The following CFTR variants were observed in gnomAD, a reference collection of about 807,000 sequenced individuals.
The protein encoded by CFTR is CF transmembrane conductance regulator.
In CFTR, 181 loss-of-function variants were observed where a neutral mutation model predicts 171.6. The ratio of observed to expected loss-of-function variants is 1.05; its 90% CI spans 0.93 to 1.19. The LOEUF (loss-of-function observed/expected upper bound fraction) is 1.19, where lower values mean the gene tolerates loss of function less well. Ranked by LOEUF, CFTR falls within the 50% of genes most tolerant of loss-of-function variation. CFTR has a pLI of 0.00. For missense variants in CFTR, 1,968 were observed against 1,734.7 expected (o/e 1.13, Z -2.39); for synonymous variants, 583 against 608.0 (o/e 0.96, Z 0.60).
chr7:117,487,971 G>T (rs1235344995), intron 1 of CFTR: 2 of 152,148 alleles, frequency 1.3e-5, no homozygotes, highest in Non-Finnish European at 2.9e-5. Context: ...GCAAGGTGGA[G>T]AAACTATATA....
At chr7:117,607,427 C>T (rs1371228541) in intron 18 of CFTR, among the ~76,000 whole-genome samples, 1 of 152,048 alleles carries the variant, frequency 6.6e-6, no homozygotes, top group Non-Finnish European at 1.5e-5. Flanking sequence ...TGAAAGTGAC[C>T]TTGGGACATT....
intron 11 of CFTR, among the ~76,000 whole-genome samples, chr7:117,580,009 A>G (rs1197791046): frequency 1.3e-5 from 2 of 151,992 alleles, no homozygotes; most frequent in Non-Finnish European, 2.9e-5. Flanking sequence ...AGTACTTTTC[A>G]ACAAATATAG....
chr7:117,485,110 T>C (rs929570415), intron 1 of CFTR, among the ~76,000 whole-genome samples: 1 of 152,180 alleles, frequency 6.6e-6, no homozygotes, highest in South Asian at 2.1e-4. Context: ...TGTTTAAAGG[T>C]CCTTGAGTGA....
intron 1 of CFTR, 61 bp downstream of exon 1, chr7:117,480,208 G>A: frequency 6.7e-7 from 1 of 1,502,134 alleles, no homozygotes; most frequent in Non-Finnish European, 9.3e-7. Flanking sequence ...GAGGGCGTGT[G>A]TATGGGTTGG....
chr7:117,623,592 A>G (rs1258029504), intron 21 of CFTR, among the ~76,000 whole-genome samples: 3 of 152,204 alleles, frequency 2.0e-5, no homozygotes, highest in South Asian at 2.1e-4. Context: ...AAATAGTTCA[A>G]TAGGTTGTAA....
chr7:117,486,677 G>T (rs1431860815), intron 1 of CFTR, among the ~76,000 whole-genome samples: 2 of 151,944 alleles, frequency 1.3e-5, no homozygotes, highest in Admixed American at 1.3e-4. Flanking sequence ...AGATTTGTGG[G>T]AGATGGGTCT....
intron 1 of CFTR, 62 bp downstream of exon 1, chr7:117,480,209 T>C (rs1218808101): frequency 6.6e-6 from 10 of 1,507,470 alleles, no homozygotes; most frequent in Non-Finnish European, 9.2e-6. Flanking sequence ...AGGGCGTGTG[T>C]ATGGGTTGGG....
intron 14 of CFTR, among the ~76,000 whole-genome samples, chr7:117,594,310 C>G (rs1402463541): frequency 6.6e-6 from 1 of 152,158 alleles, no homozygotes; most frequent in Non-Finnish European, 1.5e-5. Flanking sequence ...AAACAAAACT[C>G]TTTTTCCTTT....
chr7:117,509,260 C>T (rs1798475255), intron 3 of CFTR, 118 bp downstream of exon 3: 1 of 716,832 alleles, frequency 1.4e-6, no homozygotes. Context: ...GAATCCAACT[C>T]CAAACACTAA....
At chr7:117,521,995 G>A (rs1426295354) in intron 3 of CFTR, among the ~76,000 whole-genome samples, 1 of 152,058 alleles carries the variant, frequency 6.6e-6, no homozygotes, top group Non-Finnish European at 1.5e-5. Context: ...TTGAAGCTCT[G>A]GTCTTGAAGA....
intron 18 of CFTR, among the ~76,000 whole-genome samples, chr7:117,610,248 AG>A (rs970557338): frequency 1.5e-5 from 1 of 67,116 alleles, no homozygotes; most frequent in African/African-American, 6.1e-5. Context: ...GGGTGGGGGG[AG>A]GGGGGAGGGA....
In CFTR at chr7:117,642,535, T is replaced by A. The variant is rs752834717; in HGVS notation, c.3815T>A (p.Val1272Glu). ...NTEGEIQIDG[V>E]SWDSITLQQW... Reference sequence around the variant, plus strand: ...GAAGGAGAAATCCAGATCGATGGTGTGTCTTGGGATTCAATAACTTTGCAA... The same window carrying A: ...GAAGGAGAAATCCAGATCGATGGTGAGTCTTGGGATTCAATAACTTTGCAA... The change falls in exon 23 of 27, where the codon GTG becomes GAG. Residue 1272 changes from valine (V) to glutamate (E), a missense_variant. Physicochemically the swap from Val to Glu is moderately radical, Grantham distance 121 (BLOSUM62 -2). Transcript: ENST00000003084. 9 of 1,613,476 alleles carry A rather than the reference T, an allele frequency of 5.6e-6. No individual in the cohort carries two copies. The Admixed American group carries it at 1.3e-4, about 24-fold the overall frequency.
chr7:117,574,279 A>G (rs1476149773), intron 11 of CFTR, among the ~76,000 whole-genome samples: 2 of 152,140 alleles, frequency 1.3e-5, no homozygotes, highest in African/African-American at 2.4e-5. Context: ...GAACAGGTAC[A>G]GACATTAATA....
At chr7:117,664,567 G>A in intron 24 of CFTR, 121 bp from the exon 25 acceptor site, 1 of 868,168 alleles carries the variant, frequency 1.2e-6, no homozygotes. Flanking sequence ...GGCAGGTAGT[G>A]GGGGTAGAGG....
chr7:117,596,213 G>A (rs1395308724), intron 15 of CFTR, among the ~76,000 whole-genome samples: 4 of 152,190 alleles, frequency 2.6e-5, no homozygotes, highest in Admixed American at 6.5e-5. Context: ...CTGGGTGGGT[G>A]TGGGCTGGGC....
At position 117,530,918 on chromosome 7, in the gene CFTR, A is replaced by G. The variant is rs397508464; in HGVS notation, c.293A>G (p.Gln98Arg). The change falls in exon 4 of 27, where the codon CAG becomes CGG. Residue 98 changes from glutamine (Q) to arginine (R), a missense_variant. Transcript: ENST00000003084. ...LYLGEVTKAV[Q>R]PLLLGRIIAS... ...TTGTAGGAAGTCACCAAAGCAGTAC[A>G]GCCTCTCTTACTGGGAAGAATCATA... 3.7e-6 allele frequency: 6 copies of G among 1,612,730 alleles called. No individual in the cohort carries two copies. In the Admixed American group the frequency reaches 8.3e-5, roughly 22 times the overall value.
chr7:117,569,373 A>G (rs2115968377), intron 11 of CFTR, among the ~76,000 whole-genome samples: 1 of 152,318 alleles, frequency 6.6e-6, no homozygotes, highest in South Asian at 2.1e-4. Context: ...GGAGAGGCCA[A>G]GTAAGATTCC....
intron 24 of CFTR, among the ~76,000 whole-genome samples, chr7:117,657,895 G>A (rs1388883692): frequency 6.6e-6 from 1 of 152,196 alleles, no homozygotes; most frequent in Non-Finnish European, 1.5e-5. Context: ...TCCATGTCCA[G>A]TGTAGAATCT....
chr7:117,569,994 AT>A (rs1791663953), intron 11 of CFTR, among the ~76,000 whole-genome samples: 1 of 152,120 alleles, frequency 6.6e-6, no homozygotes, highest in Admixed American at 6.6e-5. Context: ...AGCATCAACA[AT>A]AAAAAATTAG....
Sources: allele counts gnomAD v4.1 joint callset (sites outside exome capture counted in the v4.1 genomes callset), GRCh38; gene constraint gnomAD v4.1.1; transcripts MANE v1.5; gene names NCBI Gene and HGNC (gene_info 2026-07-23, HGNC 2026-07-21).